The following ASTN2 variants were observed in gnomAD, a reference collection of about 807,000 sequenced individuals.
The protein encoded by ASTN2 is astrotactin 2.
A neutral mutation model predicts 139.8 loss-of-function variants in ASTN2; 54 were observed. The ratio of observed to expected loss-of-function variants is 0.39; its 90% confidence interval spans 0.31 to 0.48. ASTN2 has a LOEUF of 0.48. Ranked by LOEUF, ASTN2 falls within the 20% of genes least tolerant of loss-of-function variation. The pLI is 0.95. For missense variants in ASTN2, 1,565 were observed against 1,725.1 expected, an observed-to-expected ratio of 0.91 and a Z score of 1.64; for synonymous variants, 756 against 719.5, an observed-to-expected ratio of 1.05 and a Z score of -0.81.
At position 116,760,808 on chromosome 9, in the gene ASTN2, C is replaced by T. The variant is rs568350215; in HGVS notation, c.2397-27285G>A. ...GCCACCCTGATTAACTGGGAAAATG[C>T]AAATCTGCACTTCCTTCCCCGCCGC... On this transcript the variant is annotated intron_variant, in intron 13 of 22. Coordinates refer to ENST00000313400, the MANE Select transcript of ASTN2 (RefSeq NM_001365068.1). Among the ~76,000 whole-genome samples, 23 of 152,114 alleles carry T rather than the reference C, an allele frequency of 1.5e-4. No homozygotes were observed. In the South Asian group the frequency reaches 3.3e-3, roughly 22 times the overall value.
At chr9:117,379,523 G>T (rs532194084) in intron 1 of ASTN2, among the ~76,000 whole-genome samples, 1 of 152,116 alleles carries the variant, frequency 6.6e-6, no homozygotes. Context: ...TTAAGCCTTC[G>T]AAGGCCTCCA....
chr9:117,207,558 C>G (rs1338402180), intron 3 of ASTN2, among the ~76,000 whole-genome samples: 3 of 152,196 alleles, frequency 2.0e-5, no homozygotes, highest in Non-Finnish European at 2.9e-5. Context: ...AACTTATGCC[C>G]ATGTCCCAGG....
intron 19 of ASTN2, among the ~76,000 whole-genome samples, chr9:116,496,049 C>G (rs1022513130): frequency 4.6e-5 from 7 of 152,172 alleles, no homozygotes; most frequent in Admixed American, 3.3e-4. Flanking sequence ...TTTCCCAAAT[C>G]CTTGCTCAAA....
At chr9:117,140,803 G>T (rs1279123117) in intron 4 of ASTN2, among the ~76,000 whole-genome samples, 13 of 152,178 alleles carry the variant, frequency 8.5e-5, no homozygotes. Flanking sequence ...GACAGGAGTG[G>T]CTTGGAGAAG....
rs553711802 is a variant in ASTN2 at position 116,961,989 on chromosome 9, G to A, written c.1889+13219C>T. ...CTACATTGCAAATATGGAGAATGAG[G>A]CAGTGGGATATGTTAACTTGTCCAC... On this transcript the variant is annotated intron_variant, in intron 10 of 22. Transcript: ENST00000313400. 4.6e-5 allele frequency among the ~76,000 whole-genome samples: 7 copies of A among 152,320 alleles called. No individual in the cohort carries two copies. In the South Asian group the frequency reaches 1.5e-3, roughly 32 times the overall value.
chr9:116,804,812 C>G (rs1370675259), intron 13 of ASTN2, among the ~76,000 whole-genome samples: 1 of 151,758 alleles, frequency 6.6e-6, no homozygotes, highest in Non-Finnish European at 1.5e-5. Flanking sequence ...TTTATGCAAA[C>G]ATGGTTAAAA....
At chr9:117,341,723 ATCT>A (rs1308084564) in intron 1 of ASTN2, among the ~76,000 whole-genome samples, 2 of 152,088 alleles carry the variant, frequency 1.3e-5, no homozygotes, top group Non-Finnish European at 2.9e-5. Flanking sequence ...TTTCCCCCAA[ATCT>A]TCTAATGAGA....
intron 2 of ASTN2, among the ~76,000 whole-genome samples, chr9:117,258,096 A>G (rs1442722110): frequency 6.6e-6 from 1 of 152,164 alleles, no homozygotes; most frequent in Non-Finnish European, 1.5e-5. Flanking sequence ...GGAAGGAACG[A>G]TTGTGGCCCA....
At chr9:116,512,133 G>A (rs547532676) in intron 19 of ASTN2, among the ~76,000 whole-genome samples, 1 of 152,092 alleles carries the variant, frequency 6.6e-6, no homozygotes, top group South Asian at 2.1e-4. Flanking sequence ...TTCTCTTGTG[G>A]GCATTTAGTG....
chr9:117,019,648 G>A (rs1837814402), intron 6 of ASTN2, among the ~76,000 whole-genome samples: 1 of 152,070 alleles, frequency 6.6e-6, no homozygotes, highest in African/African-American at 2.4e-5. Context: ...ACCCAGGGTG[G>A]CTGAGGTCCA....
chr9:116,867,418 C>T (rs762377369), intron 10 of ASTN2, among the ~76,000 whole-genome samples: 2 of 151,478 alleles, frequency 1.3e-5, no homozygotes, highest in Admixed American at 6.6e-5. Context: ...GGCGTGGTGG[C>T]GGGTGCCTGT....
In ASTN2 at chr9:116,425,487, A is replaced by G; in HGVS notation, c.*364T>C. On this transcript the variant is annotated 3_prime_UTR_variant, in exon 23 of 23. Coordinates refer to ENST00000313400, the MANE Select transcript of ASTN2 (RefSeq NM_001365068.1). The stretch of plus-strand genomic sequence containing the variant: ...GTCTCCTCCAGGGGTCCATGGCAGG[A>G]AGAAAGCAGAGTGTGGCAGGAAGAA... The G allele has an allele frequency of 7.1e-7, 1 of 1,415,998 alleles. No homozygotes were observed. Among genetic ancestry groups the G allele is most frequent in the Non-Finnish European group, 9.9e-7 (1 of 1,011,730 alleles). The allele number at this position is 1,415,998 out of a possible 1,614,324, so 87.7% of individuals were successfully genotyped here. A position where few individuals can be genotyped will look rare whatever the true frequency, so the allele number is the denominator to read the frequency against.
Position 117,141,349 on chromosome 9 carries a change from C to T in ASTN2, c.1145G>A (p.Arg382Lys). 1 of 1,367,488 alleles carries T rather than the reference C, an allele frequency of 7.3e-7. No homozygotes were observed. The highest frequency in any genetic ancestry group is 2.1e-4 in the Middle Eastern group (1 of 4,768). 84.7% of individuals were successfully genotyped at this position (1,367,488 alleles called of 1,614,324 possible). A position where few individuals can be genotyped will look rare whatever the true frequency, so the allele number is the denominator to read the frequency against. Residue 382 changes from arginine (R) to lysine (K), a missense_variant, in exon 4 of 23, where the codon AGG becomes AAG. Coordinates refer to ENST00000313400, the MANE Select transcript of ASTN2 (RefSeq NM_001365068.1). ...PPLRSTSAGK[R>K]KRRSKSRGGI... ...ACCTCGAGACTTGCTCCTCCGCTTC[C>T]TCTTCCCTGCCGATGTGCTGCGCAG...
chr9:116,531,220 A>G (rs979345492), intron 19 of ASTN2, among the ~76,000 whole-genome samples: 1 of 152,176 alleles, frequency 6.6e-6, no homozygotes, highest in African/African-American at 2.4e-5. Flanking sequence ...CTGGCCTACT[A>G]GGCTATAATC....
chr9:117,015,469 A>C (rs887829283), intron 6 of ASTN2, among the ~76,000 whole-genome samples: 4 of 152,154 alleles, frequency 2.6e-5, no homozygotes, highest in African/African-American at 7.2e-5. Context: ...AAATGTCATG[A>C]ATAAGTGAAG....
intron 7 of ASTN2, among the ~76,000 whole-genome samples, chr9:116,983,078 T>C (rs979167250): frequency 6.6e-6 from 1 of 152,202 alleles, no homozygotes; most frequent in African/African-American, 2.4e-5. Flanking sequence ...AACTCAGTCA[T>C]CACTTATCAT....
At chr9:116,724,620 T>C (rs1227156004) in intron 16 of ASTN2, among the ~76,000 whole-genome samples, 4 of 152,188 alleles carry the variant, frequency 2.6e-5, no homozygotes, top group Non-Finnish European at 4.4e-5. Context: ...TTTCCTCGAC[T>C]GCAAAACTGG....
chr9:117,225,793 A>G (rs1170129205), intron 2 of ASTN2, among the ~76,000 whole-genome samples: 1 of 151,766 alleles, frequency 6.6e-6, no homozygotes, highest in Non-Finnish European at 1.5e-5. Flanking sequence ...TGTTGTGAAG[A>G]TCGGATAAGG....
intron 10 of ASTN2, among the ~76,000 whole-genome samples, chr9:116,963,024 C>A (rs775065052): frequency 2.0e-5 from 3 of 152,154 alleles, no homozygotes; most frequent in Non-Finnish European, 4.4e-5. Flanking sequence ...TGTTAAGATT[C>A]GATCCATGAA....
Sources: allele counts gnomAD v4.1 joint callset (sites outside exome capture counted in the v4.1 genomes callset), GRCh38; gene constraint gnomAD v4.1.1; transcripts MANE v1.5; gene names NCBI Gene and HGNC (gene_info 2026-07-23, HGNC 2026-07-21).